PGM2L1: variants seen among roughly 807,000 people sequenced by gnomAD.
PGM2L1 encodes the protein phosphoglucomutase 2 like 1.
Under a neutral mutation model 73.4 loss-of-function variants are expected in PGM2L1, and 35 were observed. That is an observed-to-expected ratio of 0.48 (90% CI 0.36 to 0.63). The LOEUF is 0.63. Among genes scored for constraint, PGM2L1 ranks in the 30% least tolerant of loss-of-function variants. The pLI is 0.00. For missense variants in PGM2L1, 570 were observed against 742.0 expected (o/e 0.77, Z 2.69); for synonymous variants, 225 against 253.8 (o/e 0.89, Z 1.08).
intron 6 of PGM2L1, 132 bp downstream of exon 6, chr11:74,351,251 T>C: frequency 1.2e-6 from 1 of 847,790 alleles, no homozygotes; most frequent in Non-Finnish European, 1.8e-6. Flanking sequence ...ATTTCCACTC[T>C]TTGACTCTTA....
intron 1 of PGM2L1, among the ~76,000 whole-genome samples, chr11:74,378,848 C>G (rs1234345174): frequency 6.6e-6 from 1 of 152,160 alleles, no homozygotes; most frequent in African/African-American, 2.4e-5. Context: ...GACCAAAATT[C>G]ACATCAACTC....
intron 12 of PGM2L1, among the ~76,000 whole-genome samples, chr11:74,339,246 C>T (rs187858353): frequency 1.9e-4 from 29 of 152,296 alleles, no homozygotes; most frequent in Admixed American, 1.6e-3. Flanking sequence ...AAGAGGAGTG[C>T]ACACATCCTG....
chr11:74,347,217 T>C lies in PGM2L1; in HGVS notation c.870A>G (p.Glu290=), dbSNP rs1244684008. 4.3e-6 allele frequency: 7 copies of C among 1,612,518 alleles called. No individual in the cohort carries two copies. The highest frequency in any genetic ancestry group is 5.9e-6 in the Non-Finnish European group (7 of 1,179,246). ...AAAAGTCTGGATCAGGATCTTTTTG[T>C]TCTGGTACTGGAATTGGAGGCTTAA... ...FGFKPPIPVP[E]QKDPDPDFST... Residue 290 remains glutamate (E), a synonymous_variant, in exon 7 of 14, where the codon GAA becomes GAG. Transcript: ENST00000298198.
At chr11:74,348,307 A>T (rs958796002) in intron 6 of PGM2L1, among the ~76,000 whole-genome samples, 1 of 152,134 alleles carries the variant, frequency 6.6e-6, no homozygotes, top group African/African-American at 2.4e-5. Context: ...TATTCCCCAT[A>T]AAAAATACAA....
chr11:74,354,998 A>G, intron 5 of PGM2L1: 1 of 1,218,532 alleles, frequency 8.2e-7, no homozygotes, highest in Non-Finnish European at 1.2e-6. Context: ...CAAAGCAAGA[A>G]GAGATGGCTA....
intron 5 of PGM2L1, among the ~76,000 whole-genome samples, chr11:74,353,037 T>G (rs1321403514): frequency 1.3e-5 from 2 of 152,114 alleles, no homozygotes; most frequent in African/African-American, 4.8e-5. Context: ...TCTGGGTAAT[T>G]AAAAAAATTT....
At chr11:74,393,532 C>A (rs140699422) in intron 1 of PGM2L1, among the ~76,000 whole-genome samples, 39 of 152,288 alleles carry the variant, frequency 2.6e-4, no homozygotes, top group Non-Finnish European at 5.1e-4. Context: ...AAAACTTCTA[C>A]CATTAGACTA....
chr11:74,362,647 G>T (rs200387600), intron 5 of PGM2L1, among the ~76,000 whole-genome samples: 9 of 152,204 alleles, frequency 5.9e-5, no homozygotes, highest in Non-Finnish European at 8.8e-5. Flanking sequence ...TTCAGGAGAC[G>T]CATCTCACGT....
intron 1 of PGM2L1, among the ~76,000 whole-genome samples, chr11:74,389,510 C>G (rs1022574170): frequency 6.6e-6 from 1 of 151,506 alleles, no homozygotes; most frequent in Non-Finnish European, 1.5e-5. Context: ...AGTGCAGTGG[C>G]GCGATCTTGG....
chr11:74,386,745 G>A (rs1863023972), intron 1 of PGM2L1, among the ~76,000 whole-genome samples: 1 of 152,072 alleles, frequency 6.6e-6, no homozygotes, highest in South Asian at 2.1e-4. Context: ...CCAAAATGCT[G>A]GGATTACAGG....
intron 1 of PGM2L1, 117 bp downstream of exon 1, chr11:74,397,934 C>T: frequency 7.3e-7 from 1 of 1,378,246 alleles, no homozygotes. Flanking sequence ...CTCCGCTGCC[C>T]CCCGCTCGGT....
chr11:74,397,764 TG>T (rs1253230544), intron 1 of PGM2L1: 2 of 283,660 alleles, frequency 7.1e-6, no homozygotes, highest in East Asian at 1.1e-4. Context: ...TTTTTTTTTT[TG>T]AAGAAAGAGG....
intron 1 of PGM2L1, among the ~76,000 whole-genome samples, chr11:74,390,118 CAAA>C (rs11310692): frequency 2.9e-5 from 3 of 103,394 alleles, no homozygotes; most frequent in Non-Finnish European, 5.9e-5. Flanking sequence ...GACTCCGTCT[CAAA>C]AAAAAAAAAA....
At chr11:74,381,634 A>G (rs1862948469) in intron 1 of PGM2L1, among the ~76,000 whole-genome samples, 1 of 129,178 alleles carries the variant, frequency 7.7e-6, no homozygotes. Context: ...GCTGGAGTAC[A>G]GTGGGGATAT....
Position 74,397,026 on chromosome 11 carries a change from T to A in PGM2L1, c.111+1025A>T, listed in dbSNP as rs944358447. ...AAACACGCACTCAGCATTCAATATTTTTTTGCTGAATGAATGAATGAATAA... is the reference window on the plus strand; with the variant it reads ...AAACACGCACTCAGCATTCAATATTATTTTGCTGAATGAATGAATGAATAA... On this transcript the variant is annotated intron_variant, in intron 1 of 13. Transcript: ENST00000298198. 3.3e-5 allele frequency among the ~76,000 whole-genome samples: 5 copies of A among 152,336 alleles called. No homozygotes were observed. The South Asian group carries it at 1.0e-3, about 32-fold the overall frequency.
intron 7 of PGM2L1, 55 bp downstream of exon 7, chr11:74,347,093 T>C: frequency 7.6e-7 from 1 of 1,319,174 alleles, no homozygotes; most frequent in South Asian, 1.7e-5. Flanking sequence ...CAATGAGTTC[T>C]ATCTATTCTG....
intron 1 of PGM2L1, among the ~76,000 whole-genome samples, chr11:74,384,270 T>G (rs1159582353): frequency 6.6e-6 from 1 of 152,176 alleles, no homozygotes; most frequent in Non-Finnish European, 1.5e-5. Context: ...TTTTGGTTAT[T>G]GTATTTCTTC....
intron 6 of PGM2L1, among the ~76,000 whole-genome samples, chr11:74,348,554 C>T (rs1459315838): frequency 1.3e-5 from 2 of 152,124 alleles, no homozygotes; most frequent in African/African-American, 4.8e-5. Flanking sequence ...TTTCTTTCCT[C>T]TAATACCGTA....
At position 74,335,606 on chromosome 11, in the gene PGM2L1, T is replaced by G. The variant is rs766149998; in HGVS notation, c.*1046A>C. ...GTTTTATTCTTAGTAAAATTAACAT[T>G]ACTTCATAAAATAAAAGAATAAATC... On this transcript the variant is annotated 3_prime_UTR_variant, in exon 14 of 14. Transcript: ENST00000298198. The G allele has an allele frequency of 6.6e-6, 1 of 152,202 alleles. No individual in the cohort carries two copies. The highest frequency in any genetic ancestry group is 1.5e-5 in the Non-Finnish European group (1 of 68,034). The allele number at this position is 152,202 out of a possible 1,614,324, so 9.4% of individuals were successfully genotyped here. A position where few individuals can be genotyped will look rare whatever the true frequency, so the allele number is the denominator to read the frequency against.
Sources: allele counts gnomAD v4.1 joint callset (sites outside exome capture counted in the v4.1 genomes callset), GRCh38; gene constraint gnomAD v4.1.1; transcripts MANE v1.5; gene names NCBI Gene and HGNC (gene_info 2026-07-23, HGNC 2026-07-21).